Variants in RREB1 observed in about 807,000 individuals in gnomAD.
RREB1 encodes the protein ras responsive element binding protein 1, also known as ras-responsive element-binding protein 1.
RREB1 carries 27 observed loss-of-function variants against 117.8 expected under a neutral mutation model. That is an observed-to-expected ratio of 0.23 (90% CI 0.17 to 0.32). The LOEUF is 0.32. Ranked by LOEUF, RREB1 falls within the 10% of genes least tolerant of loss-of-function variation. RREB1 has a pLI of 1.00. For missense variants in RREB1, 2,577 were observed against 2,378.2 expected, an observed-to-expected ratio of 1.08 and a Z score of -1.74; for synonymous variants, 1,298 against 1,026.7, an observed-to-expected ratio of 1.26 and a Z score of -5.05.
intron 1 of RREB1, among the ~76,000 whole-genome samples, chr6:7,141,919 C>G (rs986221198): frequency 2.0e-5 from 3 of 152,218 alleles, no homozygotes; most frequent in Non-Finnish European, 4.4e-5. Context: ...TTTTCTGGGC[C>G]GGGAGCGGTG....
chr6:7,237,393 T>TA (rs1411740688), intron 10 of RREB1, among the ~76,000 whole-genome samples: 2 of 151,174 alleles, frequency 1.3e-5, no homozygotes, highest in East Asian at 1.9e-4. Flanking sequence ...GCCTTTTTTT[T>TA]TTATTATTAT....
In RREB1 at chr6:7,210,890, A is replaced by G. The variant is rs1766545958; in HGVS notation, c.512A>G (p.Lys171Arg). The change falls in exon 7 of 13, where the codon AAG (lysine) becomes AGG (arginine). Residue 171 changes from lysine (K) to arginine (R), a missense_variant. Lys to Arg is a conservative substitution (Grantham distance 26). Transcript: ENST00000379938. The part of the protein sequence containing the change: ...SPLKRRRLSS[K>R]RKLSHDAESE... ...CTGAAACGTAGGCGATTGTCCTCCAAGAGGAAACTGAGTCACGATGCCGAG... is the reference window on the plus strand; with the variant it reads ...CTGAAACGTAGGCGATTGTCCTCCAGGAGGAAACTGAGTCACGATGCCGAG... The G allele has an allele frequency of 6.2e-7, 1 of 1,614,196 alleles. No homozygotes were observed. Among genetic ancestry groups the G allele is most frequent in the Non-Finnish European group, 8.5e-7 (1 of 1,180,018 alleles).
intron 1 of RREB1, among the ~76,000 whole-genome samples, chr6:7,114,038 A>G (rs1476281819): frequency 6.6e-6 from 1 of 152,178 alleles, no homozygotes; most frequent in South Asian, 2.1e-4. Context: ...AATTTTGCCT[A>G]GGAGTTTATG....
At chr6:7,134,904 TC>T (rs1762288480) in intron 1 of RREB1, among the ~76,000 whole-genome samples, 1 of 152,244 alleles carries the variant, frequency 6.6e-6, no homozygotes, top group Admixed American at 6.5e-5. Flanking sequence ...TATATTTTCT[TC>T]CACCTGTTCA....
chr6:7,115,015 C>G (rs1371038836), intron 1 of RREB1, among the ~76,000 whole-genome samples: 3 of 149,042 alleles, frequency 2.0e-5, no homozygotes, highest in African/African-American at 7.4e-5. Context: ...AGTGTTTGAA[C>G]TAGCCCTTAC....
At position 7,231,688 on chromosome 6, in the gene RREB1, C is replaced by T. The variant is rs780083451; in HGVS notation, c.3589C>T (p.Leu1197=). The T allele has an allele frequency of 1.2e-6, 2 of 1,612,434 alleles. No homozygotes were observed. Among genetic ancestry groups the T allele is most frequent in the East Asian group, 4.5e-5 (2 of 44,834 alleles). ...TTDTNKFSPF[L]QTAEDNTQDE... The stretch of plus-strand genomic sequence containing the variant: ...AGACACCAACAAGTTCAGTCCGTTT[C>T]TGCAGACAGCGGAGGACAACACTCA... The change falls in exon 10 of 13, where the codon CTG becomes TTG. Residue 1197 remains leucine, a synonymous_variant. Transcript: ENST00000379938.
intron 1 of RREB1, among the ~76,000 whole-genome samples, chr6:7,132,178 C>T (rs774399829): frequency 1.3e-5 from 2 of 152,128 alleles, no homozygotes; most frequent in African/African-American, 4.8e-5. Context: ...CCTTAGCCTC[C>T]GAAGTAGCTG....
At chr6:7,114,809 C>T (rs965285091) in intron 1 of RREB1, among the ~76,000 whole-genome samples, 3 of 152,002 alleles carry the variant, frequency 2.0e-5, no homozygotes, top group Non-Finnish European at 4.4e-5. Flanking sequence ...ATTTGAAAAC[C>T]CCGTAGTAAA....
chr6:7,138,969 T>G (rs929601801), intron 1 of RREB1, among the ~76,000 whole-genome samples: 18 of 152,200 alleles, frequency 1.2e-4, no homozygotes, highest in Non-Finnish European at 4.4e-5. Flanking sequence ...TACTCACTTT[T>G]GTGTATGGTT....
At chr6:7,156,584 T>C (rs763479745) in intron 1 of RREB1, among the ~76,000 whole-genome samples, 1 of 152,204 alleles carries the variant, frequency 6.6e-6, no homozygotes, top group African/African-American at 2.4e-5. Context: ...CCATTTTGGG[T>C]TGGACATTTG....
intron 1 of RREB1, among the ~76,000 whole-genome samples, chr6:7,114,406 C>G (rs899532240): frequency 3.3e-5 from 5 of 150,434 alleles, no homozygotes; most frequent in Non-Finnish European, 7.4e-5. Flanking sequence ...GGTTCTCAAC[C>G]TGGTGGGTTT....
intron 1 of RREB1, among the ~76,000 whole-genome samples, chr6:7,144,330 T>C (rs1425909936): frequency 6.6e-6 from 1 of 152,218 alleles, no homozygotes; most frequent in Non-Finnish European, 1.5e-5. Flanking sequence ...ACTGTACATA[T>C]ACAATTTTAA....
chr6:7,169,687 G>C (rs1394225047), intron 1 of RREB1, among the ~76,000 whole-genome samples: 1 of 152,208 alleles, frequency 6.6e-6, no homozygotes, highest in African/African-American at 2.4e-5. Flanking sequence ...ACAAGAAGTG[G>C]AGTCAGCTTC....
Position 7,248,691 on chromosome 6 carries a change from C to T in RREB1, c.4952C>T (p.Ala1651Val). Residue 1651 changes from alanine to valine, a missense_variant, in exon 13 of 13, where the codon GCC (alanine) becomes GTC (valine). By Grantham distance (64) the Ala-to-Val change is moderately conservative (BLOSUM62 0). Coordinates refer to ENST00000379938, the MANE Select transcript of RREB1 (RefSeq NM_001003699.4). ...ENESTHSGNN[A>V]VSENEAELAP... The stretch of plus-strand genomic sequence containing the variant: ...GAGTCCACCCACAGCGGCAACAACG[C>T]CGTCTCAGAGAACGAGGCTGAGCTG... 1 of 1,614,212 alleles carries T rather than the reference C, an allele frequency of 6.2e-7. No homozygotes were observed. Among genetic ancestry groups the T allele is most frequent in the Non-Finnish European group, 8.5e-7 (1 of 1,180,030 alleles).
At chr6:7,184,091 C>G (rs941214614) in intron 4 of RREB1, 2 of 152,084 alleles carry the variant, frequency 1.3e-5, no homozygotes, top group Admixed American at 6.5e-5. Context: ...TGGCATGTCT[C>G]TAATCCCTGC....
chr6:7,163,626 C>T (rs1763774960), intron 1 of RREB1, among the ~76,000 whole-genome samples: 2 of 152,102 alleles, frequency 1.3e-5, no homozygotes, highest in Admixed American at 6.6e-5. Context: ...GATCTCCTGA[C>T]CTCATGATCT....
intron 1 of RREB1, among the ~76,000 whole-genome samples, chr6:7,141,206 C>T (rs1279876552): frequency 2.6e-5 from 4 of 151,962 alleles, no homozygotes; most frequent in Non-Finnish European, 5.9e-5. Context: ...GGGCGGCGGG[C>T]GCCGATTGGC....
At chr6:7,168,554 T>C (rs569029262) in intron 1 of RREB1, among the ~76,000 whole-genome samples, 1 of 152,310 alleles carries the variant, frequency 6.6e-6, no homozygotes, top group South Asian at 2.1e-4. Context: ...ATCTGGCCTG[T>C]ATCCATCTGA....
In RREB1 at chr6:7,231,164, C is replaced by T. The variant is rs775703086; in HGVS notation, c.3065C>T (p.Ala1022Val). 3.7e-6 allele frequency: 6 copies of T among 1,611,902 alleles called. No individual in the cohort carries two copies. The highest frequency in any genetic ancestry group is 5.1e-6 in the Non-Finnish European group (6 of 1,179,418). ...CTGGCGGTCCCAATCTACTCCTCAG[C>T]CCTGGTCAGCAGCCCTCCACTCGTG... is the stretch of plus-strand genomic sequence containing the variant. ...VQLAVPIYSS[A>V]LVSSPPLVGS... is the part of the protein sequence containing the mutation. The change falls in exon 10 of 13, where the codon GCC becomes GTC. Residue 1022 changes from alanine (A) to valine (V), a missense_variant. Transcript: ENST00000379938.
Sources: allele counts gnomAD v4.1 joint callset (sites outside exome capture counted in the v4.1 genomes callset), GRCh38; gene constraint gnomAD v4.1.1; transcripts MANE v1.5; gene names NCBI Gene and HGNC (gene_info 2026-07-23, HGNC 2026-07-21).